LAMA2: variants seen among roughly 807,000 people sequenced by gnomAD.
LAMA2 encodes the protein laminin subunit alpha 2.
A neutral mutation model predicts 364.8 loss-of-function variants in LAMA2; 269 were observed. The observed-to-expected ratio is 0.74, with a 90% confidence interval of 0.67 to 0.82. The LOEUF (loss-of-function observed/expected upper bound fraction) is 0.82. LAMA2 is among the 40% of genes least tolerant of loss of function. The pLI, the probability that LAMA2 is intolerant of heterozygous loss-of-function variation, is 0.00. For missense variants in LAMA2, 3,807 were observed against 3,873.2 expected, an observed-to-expected ratio of 0.98 and a Z score of 0.45; for synonymous variants, 1,379 against 1,370.6, an observed-to-expected ratio of 1.01 and a Z score of -0.14.
chr6:129,245,931 C>T lies in LAMA2; in HGVS notation c.1783-4181C>T, dbSNP rs187838789. ...CAGACATACCCAGACATTCTCAGTTCAGAATGTTCATAGCGTATTCATAAT... is the reference window on the plus strand; with the variant it reads ...CAGACATACCCAGACATTCTCAGTTTAGAATGTTCATAGCGTATTCATAAT... On this transcript the variant is annotated intron_variant, in intron 12 of 64. Transcript: ENST00000421865. Among the ~76,000 whole-genome samples the T allele has an allele frequency of 1.4e-4, 22 of 152,258 alleles. No individual in the cohort carries two copies. In the South Asian group the frequency reaches 4.6e-3, roughly 32 times the overall value.
intron 8 of LAMA2, among the ~76,000 whole-genome samples, chr6:129,160,536 C>A (rs890090727): frequency 2.0e-5 from 3 of 151,886 alleles, no homozygotes; most frequent in Non-Finnish European, 4.4e-5. Flanking sequence ...TCCAAAAAAA[C>A]TTCTGCCTTT....
At chr6:129,232,543 T>G (rs1674515713) in intron 12 of LAMA2, among the ~76,000 whole-genome samples, 1 of 152,270 alleles carries the variant, frequency 6.6e-6, no homozygotes, top group African/African-American at 2.4e-5. Context: ...TGTTTTAATT[T>G]TATTATTTCA....
intron 45 of LAMA2, among the ~76,000 whole-genome samples, chr6:129,446,468 G>C (rs944581387): frequency 5.2e-4 from 72 of 139,380 alleles, no homozygotes; most frequent in African/African-American, 1.9e-3. Context: ...TTGCTAAGTG[G>C]CAACGTGAAA....
intron 1 of LAMA2, among the ~76,000 whole-genome samples, chr6:128,940,205 AC>A (rs1381136173): frequency 6.6e-6 from 1 of 151,904 alleles, no homozygotes; most frequent in African/African-American, 2.4e-5. Context: ...CACTTACCCT[AC>A]TGAATTTTCA....
rs544143792 is a variant in LAMA2 at position 129,024,579 on chromosome 6, A to G, written c.113-25339A>G. 2.0e-5 allele frequency among the ~76,000 whole-genome samples: 3 copies of G among 152,058 alleles called. No individual in the cohort carries two copies. In the South Asian group the frequency reaches 6.2e-4, roughly 32 times the overall value. On this transcript the variant is annotated intron_variant, in intron 1 of 64. Coordinates refer to ENST00000421865, the MANE Select transcript of LAMA2 (RefSeq NM_000426.4). Reference sequence around the variant, plus strand: ...TATTTTATTTTTTTGTATTTTTAGTAGAGACGGGACTTCACCATGTTGGCC... The same window carrying G: ...TATTTTATTTTTTTGTATTTTTAGTGGAGACGGGACTTCACCATGTTGGCC...
intron 45 of LAMA2, among the ~76,000 whole-genome samples, chr6:129,451,602 C>A (rs2114785985): frequency 6.6e-6 from 1 of 152,254 alleles, no homozygotes; most frequent in Middle Eastern, 3.4e-3. Flanking sequence ...GAGGCAACAA[C>A]AATAAACAAA....
intron 1 of LAMA2, chr6:128,928,865 A>C (rs1218955028): frequency 6.1e-6 from 4 of 652,386 alleles, no homozygotes; most frequent in Non-Finnish European, 1.1e-5. Context: ...AGTAAAGTGG[A>C]CTTTGTGAGA....
intron 1 of LAMA2, among the ~76,000 whole-genome samples, chr6:128,885,261 T>C (rs571561939): frequency 1.3e-5 from 2 of 152,330 alleles, no homozygotes; most frequent in East Asian, 3.9e-4. Context: ...GTTGAAAGTA[T>C]GTAAAATTCA....
chr6:129,173,719 T>A (rs1258017502), intron 9 of LAMA2, among the ~76,000 whole-genome samples: 1 of 152,222 alleles, frequency 6.6e-6, no homozygotes, highest in Non-Finnish European at 1.5e-5. Flanking sequence ...CTTGCTCTGA[T>A]AACTTATTTA....
At chr6:129,470,706 A>T (rs1783769626) in intron 51 of LAMA2, among the ~76,000 whole-genome samples, 1 of 151,920 alleles carries the variant, frequency 6.6e-6, no homozygotes, top group African/African-American at 2.4e-5. Context: ...GTCCCTGAGG[A>T]CTTTAGCAAG....
At chr6:129,479,768 T>C (rs1784261400) in intron 54 of LAMA2, 1 of 152,148 alleles carries the variant, frequency 6.6e-6, no homozygotes, top group South Asian at 2.1e-4. Context: ...ACTTGAATGA[T>C]GAGGTTTAAA....
chr6:129,207,082 A>G (rs1286947034), intron 12 of LAMA2, among the ~76,000 whole-genome samples: 2 of 152,248 alleles, frequency 1.3e-5, no homozygotes, highest in Non-Finnish European at 2.9e-5. Flanking sequence ...GATCGACAGC[A>G]GTGACAGCCA....
intron 30 of LAMA2, among the ~76,000 whole-genome samples, chr6:129,348,823 C>A (rs2114583481): frequency 6.6e-6 from 1 of 152,218 alleles, no homozygotes; most frequent in East Asian, 1.9e-4. Context: ...ATTCACACTT[C>A]ACGTCTTGAA....
intron 12 of LAMA2, among the ~76,000 whole-genome samples, chr6:129,212,740 T>C (rs1210730468): frequency 1.3e-5 from 2 of 152,228 alleles, no homozygotes; most frequent in African/African-American, 4.8e-5. Flanking sequence ...TGAGTTTAAT[T>C]TGCTTTCACT....
rs1427659924 is a variant in LAMA2 at position 129,328,282 on chromosome 6, G to A, written c.4181G>A (p.Cys1394Tyr). 1 of 1,614,104 alleles carries A rather than the reference G, an allele frequency of 6.2e-7. No homozygotes were observed. The highest frequency in any genetic ancestry group is 8.5e-7 in the Non-Finnish European group (1 of 1,179,984). ...LGYSGLSCEA[C>Y]LPGFYRLRSQ... ...ATTGGCTTCCTTTTCTTTCAGGCATGCTTGCCGGGATTTTATCGACTGCGT... is the reference window on the plus strand; with the variant it reads ...ATTGGCTTCCTTTTCTTTCAGGCATACTTGCCGGGATTTTATCGACTGCGT... The change falls in exon 29 of 65, where the codon TGC becomes TAC. Residue 1394 changes from cysteine (C) to tyrosine (Y), a missense_variant. This residue lies in a region of LAMA2 where 3,333 missense variants were observed against 3,345.7 expected (regional missense o/e 1.00). Coordinates refer to ENST00000421865, the MANE Select transcript of LAMA2 (RefSeq NM_000426.4).
chr6:129,502,699 G>A lies in LAMA2; in HGVS notation c.8285G>A (p.Gly2762Glu). Reference sequence around the variant, plus strand: ...GAATCAGAACCAGCTCTTTTGATAGGGAGCAAGCAGTTCGGGCTTTCAAGA... The same window carrying A: ...GAATCAGAACCAGCTCTTTTGATAGAGAGCAAGCAGTTCGGGCTTTCAAGA... ...AAESEPALLI[G>E]SKQFGLSRNS... The change falls in exon 59 of 65, where the codon GGG becomes GAG. Residue 2762 changes from glycine to glutamate, a missense_variant. Physicochemically the swap from Gly to Glu is moderately conservative, Grantham distance 98. Around this residue, in one of 3 missense-constraint regions of LAMA2, gnomAD observed 3,333 missense variants for 3,345.7 expected, o/e 1.00. Coordinates refer to ENST00000421865, the MANE Select transcript of LAMA2 (RefSeq NM_000426.4). The A allele has an allele frequency of 6.2e-7, 1 of 1,614,022 alleles. No homozygotes were observed. The highest frequency in any genetic ancestry group is 8.5e-7 in the Non-Finnish European group (1 of 1,179,944).
chr6:129,279,864 T>A (rs1365325281), intron 17 of LAMA2, among the ~76,000 whole-genome samples, 197 bp from the exon 18 acceptor site: 1 of 152,194 alleles, frequency 6.6e-6, no homozygotes, highest in African/African-American at 2.4e-5. Context: ...TCCACTGGGC[T>A]ATATTCACGT....
At chr6:128,935,814 CAT>C (rs1316818583) in intron 1 of LAMA2, among the ~76,000 whole-genome samples, 4 of 152,168 alleles carry the variant, frequency 2.6e-5, no homozygotes, top group African/African-American at 9.7e-5. Flanking sequence ...GACTAGGACT[CAT>C]AGTACTATGT....
At chr6:129,172,377 T>G (rs1780234412) in intron 9 of LAMA2, among the ~76,000 whole-genome samples, 1 of 152,222 alleles carries the variant, frequency 6.6e-6, no homozygotes, top group South Asian at 2.1e-4. Context: ...TTCTGTTTGT[T>G]AGTTTTCCTT....
Sources: gnomAD v4.1 joint callset for allele counts (sites outside exome capture counted in the v4.1 genomes callset) on GRCh38, gnomAD v4.1.1 for gene constraint, gnomAD v4.1.1 regional missense constraint, MANE v1.5 for transcripts, NCBI Gene and HGNC (gene_info 2026-07-23, HGNC 2026-07-21) for gene names.